Variants in EXOC4 observed in about 807,000 individuals in gnomAD.
EXOC4 encodes the protein exocyst complex component 4, also known as SEC8-like 1.
EXOC4 carries 71 observed loss-of-function variants against 107.2 expected under a neutral mutation model. The observed-to-expected ratio is 0.66, with a 90% CI of 0.55 to 0.81. The LOEUF (loss-of-function observed/expected upper bound fraction) is 0.81. EXOC4 is among the 30% of genes least tolerant of loss of function. The pLI, the probability that EXOC4 is intolerant of heterozygous loss-of-function variation, is 0.00. For missense variants in EXOC4, 1,108 were observed against 1,189.6 expected (o/e 0.93, Z 1.01); for synonymous variants, 456 against 441.2 (o/e 1.03, Z -0.42).
chr7:133,638,000 G>C (rs1227276305), intron 10 of EXOC4, among the ~76,000 whole-genome samples: 1 of 152,026 alleles, frequency 6.6e-6, no homozygotes, highest in Non-Finnish European at 1.5e-5. Context: ...TAGCACAAAA[G>C]AATAGGCGGT....
At chr7:133,656,034 G>A (rs1287966643) in intron 10 of EXOC4, among the ~76,000 whole-genome samples, 1 of 152,106 alleles carries the variant, frequency 6.6e-6, no homozygotes, top group African/African-American at 2.4e-5. Flanking sequence ...ATATCACTAG[G>A]AGATAGGAGT....
intron 4 of EXOC4, among the ~76,000 whole-genome samples, chr7:133,307,928 A>G (rs572796183): frequency 6.6e-6 from 1 of 152,250 alleles, no homozygotes; most frequent in African/African-American, 2.4e-5. Flanking sequence ...GTGGTTGTAT[A>G]CAGTAAGCGC....
At chr7:133,922,152 T>C (rs1292519775) in intron 13 of EXOC4, among the ~76,000 whole-genome samples, 1 of 152,180 alleles carries the variant, frequency 6.6e-6, no homozygotes, top group Non-Finnish European at 1.5e-5. Context: ...ATACATACTT[T>C]TAATGAAGCA....
At chr7:133,274,434 G>A (rs560247000) in intron 1 of EXOC4, among the ~76,000 whole-genome samples, 3 of 152,204 alleles carry the variant, frequency 2.0e-5, no homozygotes, top group African/African-American at 7.2e-5. Flanking sequence ...TAAGGCAGCT[G>A]CAGGGCTGGC....
intron 10 of EXOC4, among the ~76,000 whole-genome samples, chr7:133,693,344 A>G (rs1794461604): frequency 6.6e-6 from 1 of 152,144 alleles, no homozygotes. Flanking sequence ...AAGACTCAGC[A>G]AGTCAAAATT....
At chr7:133,516,059 C>CT (rs1426253842) in intron 9 of EXOC4, among the ~76,000 whole-genome samples, 1 of 152,154 alleles carries the variant, frequency 6.6e-6, no homozygotes, top group African/African-American at 2.4e-5. Flanking sequence ...TACTGGAAGA[C>CT]TATCGATGCA....
At chr7:133,794,560 TTTCTC>T (rs1320705508) in intron 10 of EXOC4, among the ~76,000 whole-genome samples, 2 of 152,218 alleles carry the variant, frequency 1.3e-5, no homozygotes, top group African/African-American at 2.4e-5. Flanking sequence ...TATTCCATCT[TTTCTC>T]TTAGCACCTA....
At chr7:133,584,614 T>G (rs1381866898) in intron 9 of EXOC4, among the ~76,000 whole-genome samples, 1 of 141,196 alleles carries the variant, frequency 7.1e-6, no homozygotes, top group Admixed American at 7.5e-5. Flanking sequence ...AGTCTCGCTC[T>G]GTTGCCCAGG....
At chr7:133,264,164 G>A (rs191722103) in intron 1 of EXOC4, among the ~76,000 whole-genome samples, 4 of 152,248 alleles carry the variant, frequency 2.6e-5, no homozygotes, top group South Asian at 2.1e-4. Flanking sequence ...CCTTAGTGGG[G>A]TGATTTTACT....
intron 12 of EXOC4, among the ~76,000 whole-genome samples, chr7:133,914,349 C>A (rs1378046039): frequency 6.6e-6 from 1 of 152,108 alleles, no homozygotes; most frequent in Non-Finnish European, 1.5e-5. Flanking sequence ...GGTTTCAGGA[C>A]CACATATAGA....
intron 9 of EXOC4, among the ~76,000 whole-genome samples, chr7:133,510,451 C>G (rs1028765441): frequency 5.3e-5 from 8 of 152,138 alleles, no homozygotes; most frequent in African/African-American, 1.9e-4. Flanking sequence ...CTTAACACAC[C>G]TGGCTTTGAA....
chr7:133,669,919 A>G (rs1354448015), intron 10 of EXOC4, among the ~76,000 whole-genome samples: 1 of 152,172 alleles, frequency 6.6e-6, no homozygotes, highest in African/African-American at 2.4e-5. Flanking sequence ...TCTTTACCTA[A>G]TCTGGCATTG....
At chr7:133,576,207 A>G (rs1801123717) in intron 9 of EXOC4, among the ~76,000 whole-genome samples, 2 of 152,168 alleles carry the variant, frequency 1.3e-5, no homozygotes, top group African/African-American at 4.8e-5. Context: ...AATTCTCAAG[A>G]TGTTAATGCA....
chr7:133,494,995 G>T (rs562325045), intron 9 of EXOC4, among the ~76,000 whole-genome samples: 3 of 152,212 alleles, frequency 2.0e-5, no homozygotes, highest in Non-Finnish European at 4.4e-5. Flanking sequence ...AATTGGGCGT[G>T]GCATGGTGGC....
rs564439742 is a variant in EXOC4, at chr7:133,444,838, G to A, written c.1183-30490G>A. 9.4e-4 allele frequency among the ~76,000 whole-genome samples: 143 copies of A among 152,290 alleles called. 7 individuals are homozygous for A. The South Asian group carries it at 0.027, about 29-fold the overall frequency. ...TTGTCGGTGTTCAGGTCAGAGGTCT[G>A]GGATGACAGATTGCAGGGCCTTACC... On this transcript the variant is annotated intron_variant, in intron 7 of 17. Coordinates refer to ENST00000253861, the MANE Select transcript of EXOC4 (RefSeq NM_021807.4).
At chr7:133,719,269 C>T (rs1016905846) in intron 10 of EXOC4, among the ~76,000 whole-genome samples, 2 of 152,148 alleles carry the variant, frequency 1.3e-5, no homozygotes, top group African/African-American at 4.8e-5. Flanking sequence ...CCTCCCCAGC[C>T]ATGAGAAACT....
At chr7:133,995,411 T>G (rs1335177870) in intron 14 of EXOC4, among the ~76,000 whole-genome samples, 1 of 152,198 alleles carries the variant, frequency 6.6e-6, no homozygotes, top group Non-Finnish European at 1.5e-5. Flanking sequence ...ACAGTCACTA[T>G]CACCCAATAG....
chr7:133,847,537 A>ATTTTTTTTTTTTT (rs34297470), intron 11 of EXOC4, among the ~76,000 whole-genome samples: 1 of 127,174 alleles, frequency 7.9e-6, no homozygotes. Context: ...TACACCAGCT[A>ATTTTTTTTTTTTT]TTTTTTTTTT....
chr7:133,927,461 T>C (rs1318207802), intron 13 of EXOC4, among the ~76,000 whole-genome samples: 1 of 152,192 alleles, frequency 6.6e-6, no homozygotes, highest in Non-Finnish European at 1.5e-5. Flanking sequence ...CAACGTAATA[T>C]AAGCAACAGC....
Sources: gnomAD v4.1 joint callset for allele counts (sites outside exome capture counted in the v4.1 genomes callset) on GRCh38, gnomAD v4.1.1 for gene constraint, MANE v1.5 for transcripts, NCBI Gene and HGNC (gene_info 2026-07-23, HGNC 2026-07-21) for gene names.